The following WIPF1 variants were observed in gnomAD, a reference collection of about 807,000 sequenced individuals.
WIPF1 encodes WAS/WASL interacting protein family member 1.
In WIPF1, 13 loss-of-function variants were observed where a neutral mutation model predicts 35.4. The observed-to-expected ratio is 0.37, with a 90% CI of 0.24 to 0.58. WIPF1 has a LOEUF of 0.58. WIPF1 is among the 20% of genes least tolerant of loss of function. The probability of loss-of-function intolerance (pLI) is 0.74; values close to 1 mark genes in which losing one functional copy is unlikely to be tolerated. For missense variants in WIPF1, 591 were observed against 667.0 expected (o/e 0.89, Z 1.25); for synonymous variants, 267 against 266.3 (o/e 1.00, Z -0.02).
intron 1 of WIPF1, among the ~76,000 whole-genome samples, chr2:174,675,553 T>C (rs180818213): frequency 6.6e-6 from 1 of 152,048 alleles, no homozygotes; most frequent in Admixed American, 6.6e-5. Context: ...CAGAGTCTGC[T>C]ATGTTGCCCA....
At chr2:174,677,003 C>G (rs764184674) in intron 1 of WIPF1, 5 of 151,922 alleles carry the variant, frequency 3.3e-5, no homozygotes, top group African/African-American at 1.2e-4. Context: ...CAAAACAAAA[C>G]AAAACAAGGC....
At chr2:174,621,837 C>T (rs1054672391) in intron 1 of WIPF1, among the ~76,000 whole-genome samples, 8 of 152,182 alleles carry the variant, frequency 5.3e-5, no homozygotes, top group Admixed American at 2.6e-4. Flanking sequence ...CAAATGGCCC[C>T]TGCTTTGGAC....
At chr2:174,663,199 A>T (rs1351466367) in intron 1 of WIPF1, among the ~76,000 whole-genome samples, 1 of 152,190 alleles carries the variant, frequency 6.6e-6, no homozygotes, top group Non-Finnish European at 1.5e-5. Context: ...CTCTAGAAAA[A>T]GTCACTTTCC....
intron 1 of WIPF1, among the ~76,000 whole-genome samples, chr2:174,611,635 C>T (rs1444771436): frequency 6.6e-6 from 1 of 152,112 alleles, no homozygotes; most frequent in African/African-American, 2.4e-5. Context: ...GCTCCTGTCC[C>T]CCAAATATTT....
chr2:174,666,921 GA>G (rs568773651), intron 1 of WIPF1, among the ~76,000 whole-genome samples: 15 of 152,220 alleles, frequency 9.9e-5, no homozygotes, highest in Non-Finnish European at 2.2e-4. Flanking sequence ...GCTCACATCA[GA>G]AAAACACAAA....
At chr2:174,564,143 GTGGGCTT>G (rs2105787142) in intron 7 of WIPF1, among the ~76,000 whole-genome samples, 1 of 152,354 alleles carries the variant, frequency 6.6e-6, no homozygotes, top group African/African-American at 2.4e-5. Context: ...CTCTCAGGCT[GTGGGCTT>G]GGAGGCTGAG....
At chr2:174,653,759 A>AAAAG (rs1687586388) in intron 1 of WIPF1, among the ~76,000 whole-genome samples, 2 of 151,646 alleles carry the variant, frequency 1.3e-5, no homozygotes, top group Non-Finnish European at 1.5e-5. Flanking sequence ...AAAAAAAAAA[A>AAAAG]AAAGAAACAG....
At chr2:174,587,273 TC>T (rs1364546737) in intron 1 of WIPF1, among the ~76,000 whole-genome samples, 2 of 152,156 alleles carry the variant, frequency 1.3e-5, no homozygotes, top group African/African-American at 4.8e-5. Context: ...TGCCTTAGCC[TC>T]CCATAGTGCT....
chr2:174,636,757 C>T, intron 1 of WIPF1, among the ~76,000 whole-genome samples: 1 of 152,202 alleles, frequency 6.6e-6, no homozygotes. Context: ...ATTGGGCACA[C>T]AAATGGGTGT....
chr2:174,591,135 C>A (rs1685590671), intron 1 of WIPF1, among the ~76,000 whole-genome samples: 2 of 152,184 alleles, frequency 1.3e-5, no homozygotes, highest in Admixed American at 1.3e-4. Flanking sequence ...AGAGGAAAGT[C>A]TTCAAGTGAA....
At chr2:174,668,364 C>T (rs1687937286) in intron 1 of WIPF1, among the ~76,000 whole-genome samples, 1 of 152,168 alleles carries the variant, frequency 6.6e-6, no homozygotes, top group South Asian at 2.1e-4. Context: ...CACTTTGCTT[C>T]CCTGCTCTAA....
Position 174,560,570 on chromosome 2 carries a change from T to TA in WIPF1, c.*1976dup, listed in dbSNP as rs1218318765. ...GCTAAATTACCAAACTGCTAGAGAT[T>TA]AAAAAAATTTTTTTTTAAAAAGCCA... On this transcript the variant is annotated 3_prime_UTR_variant, in exon 8 of 8. Transcript: ENST00000679041. 6.6e-6 allele frequency: 1 copy of TA among 152,580 alleles called. No individual in the cohort carries two copies. Among genetic ancestry groups the TA allele is most frequent in the African/African-American group, 2.4e-5 (1 of 41,446 alleles). The allele number at this position is 152,580 out of a possible 1,614,324, so 9.5% of individuals were successfully genotyped here.
At chr2:174,679,378 G>T (rs1226651267) in intron 1 of WIPF1, among the ~76,000 whole-genome samples, 1 of 151,552 alleles carries the variant, frequency 6.6e-6, no homozygotes, top group African/African-American at 2.4e-5. Flanking sequence ...TGAGGCAGAA[G>T]AATCACTTGA....
At chr2:174,582,721 C>T (rs1175337553) in intron 2 of WIPF1, among the ~76,000 whole-genome samples, 1 of 152,146 alleles carries the variant, frequency 6.6e-6, no homozygotes, top group African/African-American at 2.4e-5. Context: ...CTGCTCCTGG[C>T]CTAACTCAGC....
intron 3 of WIPF1, among the ~76,000 whole-genome samples, chr2:174,575,622 C>A (rs757164579): frequency 1.3e-5 from 2 of 152,258 alleles, no homozygotes; most frequent in Non-Finnish European, 2.9e-5. Flanking sequence ...ACACTCCCCA[C>A]TTGACTGGCT....
intron 1 of WIPF1, among the ~76,000 whole-genome samples, chr2:174,677,552 C>T (rs1464521040): frequency 3.3e-5 from 5 of 152,330 alleles, no homozygotes; most frequent in African/African-American, 1.2e-4. Context: ...GAGAAGAGAA[C>T]ATTTTGGCTC....
chr2:174,669,466 C>G (rs1018663265), intron 1 of WIPF1, among the ~76,000 whole-genome samples: 1 of 152,162 alleles, frequency 6.6e-6, no homozygotes, highest in Non-Finnish European at 1.5e-5. Context: ...TTATTAGGCA[C>G]CAGGTATATG....
chr2:174,615,675 C>T (rs559568787), intron 1 of WIPF1, among the ~76,000 whole-genome samples: 1 of 152,234 alleles, frequency 6.6e-6, no homozygotes, highest in South Asian at 2.1e-4. Flanking sequence ...CTTGCAGTTT[C>T]TAAAACTTAT....
chr2:174,655,580 G>T (rs149468041), intron 1 of WIPF1: 1 of 152,266 alleles, frequency 6.6e-6, no homozygotes, highest in East Asian at 1.9e-4. Flanking sequence ...CCATGAAAGG[G>T]CCATGTTTTT....
Sources: allele counts gnomAD v4.1 joint callset (sites outside exome capture counted in the v4.1 genomes callset), GRCh38; gene constraint gnomAD v4.1.1; transcripts MANE v1.5; gene names NCBI Gene and HGNC (gene_info 2026-07-23, HGNC 2026-07-21).